Variants in EHMT1 observed in about 807,000 individuals in gnomAD.
EHMT1 encodes histone-lysine N-methyltransferase EHMT1.
In EHMT1, 15 loss-of-function variants were observed where a neutral mutation model predicts 147.2. The ratio of observed to expected loss-of-function variants is 0.10; its 90% CI spans 0.07 to 0.16. EHMT1 has a LOEUF of 0.16. EHMT1 is among the 10% of genes least tolerant of loss of function. EHMT1 has a pLI of 1.00. For missense variants in EHMT1, 1,587 were observed against 1,772.4 expected (o/e 0.90, Z 1.88); for synonymous variants, 795 against 709.6 (o/e 1.12, Z -1.91).
intron 16 of EHMT1, chr9:137,792,285 G>A: frequency 6.0e-6 from 2 of 332,430 alleles, no homozygotes; most frequent in Non-Finnish European, 6.1e-6. Context: ...CTGATTTTTG[G>A]CAAAGGTTAC....
intron 19 of EHMT1, among the ~76,000 whole-genome samples, chr9:137,811,900 A>G (rs1326619400): frequency 1.3e-5 from 2 of 152,214 alleles, no homozygotes; most frequent in Non-Finnish European, 2.9e-5. Flanking sequence ...GAGGGGCAGC[A>G]TGGGAACAGC....
intron 15 of EHMT1, chr9:137,785,627 T>G (rs1951899187): frequency 6.6e-6 from 1 of 152,240 alleles, no homozygotes; most frequent in Non-Finnish European, 1.5e-5. Context: ...AGCTTGTCAC[T>G]CCTTTGAAAG....
In EHMT1 at chr9:137,811,443, T is replaced by C; in HGVS notation, c.2713-18T>C. On this transcript the variant is annotated intron_variant, in intron 18 of 26. Coordinates refer to ENST00000460843, the MANE Select transcript of EHMT1 (RefSeq NM_024757.5). ...CCAGCAGGAAGCCTGCACTGAGCTC[T>C]GGCTTGTGTCTGTTCAGGAGGAGAA... The C allele has an allele frequency of 6.2e-7, 1 of 1,611,946 alleles. No individual in the cohort carries two copies. Among genetic ancestry groups the C allele is most frequent in the Non-Finnish European group, 8.5e-7 (1 of 1,179,986 alleles).
In EHMT1 at chr9:137,752,392, G is replaced by T; in HGVS notation, c.1232G>T (p.Gly411Val). 6.2e-7 allele frequency: 1 copy of T among 1,614,034 alleles called. No homozygotes were observed. Among genetic ancestry groups the T allele is most frequent in the Admixed American group, 1.7e-5 (1 of 60,014 alleles). ...GACACCGGGGAGGAGGAGGAAGGCG[G>T]TGACGAGTCTGACCTGGTAATGCCC... is the stretch of plus-strand genomic sequence containing the variant. Reference protein sequence around the residue: ...SVDTGEEEEGGDESDLSSESS... With the variant: ...SVDTGEEEEGVDESDLSSESS... The change falls in exon 7 of 27, where the codon GGT becomes GTT. Residue 411 changes from glycine (G) to valine (V), a missense_variant. Gly to Val is a moderately radical substitution (Grantham distance 109, BLOSUM62 -3). Around this residue, in one of 7 missense-constraint regions of EHMT1, gnomAD observed 810 missense variants for 673.0 expected, o/e 1.20. Coordinates refer to ENST00000460843, the MANE Select transcript of EHMT1 (RefSeq NM_024757.5).
intron 6 of EHMT1, among the ~76,000 whole-genome samples, chr9:137,749,969 C>T (rs574928529): frequency 6.6e-6 from 1 of 152,324 alleles, no homozygotes; most frequent in South Asian, 2.1e-4. Flanking sequence ...TCACCTCTGA[C>T]ACGAATGCGG....
intron 22 of EHMT1, 173 bp downstream of exon 22, chr9:137,814,681 C>T (rs1954780991): frequency 1.4e-6 from 1 of 732,034 alleles, no homozygotes; most frequent in Non-Finnish European, 2.4e-6. Flanking sequence ...GCACCCGAGT[C>T]AGGGTCGTGA....
At chr9:137,816,750 A>T (rs964242464) in intron 23 of EHMT1, 4 of 164,252 alleles carry the variant, frequency 2.4e-5, no homozygotes, top group African/African-American at 9.6e-5. Context: ...TGACCTCGAT[A>T]AACTTGGTTC....
chr9:137,669,102 G>A (rs1161627772), intron 1 of EHMT1, among the ~76,000 whole-genome samples: 1 of 152,116 alleles, frequency 6.6e-6, no homozygotes, highest in African/African-American at 2.4e-5. Context: ...GGGCAAGATC[G>A]TCTTGAACTC....
intron 25 of EHMT1, among the ~76,000 whole-genome samples, chr9:137,820,506 G>C (rs1163817669): frequency 6.6e-6 from 1 of 152,086 alleles, no homozygotes; most frequent in Admixed American, 6.5e-5. Context: ...TTTTATTCTA[G>C]TTCAGTTTAT....
At chr9:137,735,708 C>T (rs1299023286) in intron 4 of EHMT1, among the ~76,000 whole-genome samples, 1 of 152,126 alleles carries the variant, frequency 6.6e-6, no homozygotes, top group African/African-American at 2.4e-5. Context: ...GGTGATTGGT[C>T]ATGTGTGTGG....
intron 15 of EHMT1, chr9:137,784,162 G>A (rs1351374026): frequency 1.3e-6 from 2 of 1,551,040 alleles, no homozygotes; most frequent in African/African-American, 2.7e-5. Context: ...TTATGGTGAG[G>A]ACCTCGTGCT....
chr9:137,811,379 T>G, intron 18 of EHMT1, 82 bp from the exon 19 acceptor site: 1 of 1,592,806 alleles, frequency 6.3e-7, no homozygotes, highest in South Asian at 1.1e-5. Context: ...CCCGGGCACA[T>G]GGGCTGCAGC....
At position 137,761,723 on chromosome 9, in the gene EHMT1, C is replaced by T. The variant is rs552702958; in HGVS notation, c.1502-952C>T. Among the ~76,000 whole-genome samples the T allele has an allele frequency of 8.6e-4, 131 of 152,310 alleles. 1 individual carries two copies. Among genetic ancestry groups the T allele is most frequent in the Middle Eastern group, 3.4e-3 (1 of 294 alleles). ...CTGCCCGCCTTGGCCTCCCAAAGTG[C>T]TGGGATTACAGGCGTGAGCCACCGC... is the stretch of plus-strand genomic sequence containing the variant. On this transcript the variant is annotated intron_variant, in intron 9 of 26. Transcript: ENST00000460843.
At chr9:137,671,392 A>G (rs1326963342) in intron 1 of EHMT1, among the ~76,000 whole-genome samples, 1 of 152,200 alleles carries the variant, frequency 6.6e-6, no homozygotes, top group African/African-American at 2.4e-5. Flanking sequence ...GTAACAATTC[A>G]TATGATTAAC....
Position 137,762,753 on chromosome 9 carries a change from C to T in EHMT1, c.1580C>T (p.Pro527Leu), listed in dbSNP as rs759763956. 6.2e-6 allele frequency: 10 copies of T among 1,614,192 alleles called. No homozygotes were observed. Among genetic ancestry groups the T allele is most frequent in the South Asian group, 2.2e-5 (2 of 91,086 alleles). ...VPLCSCRMET[P>L]KSREITTLAN... ...CTCTGCAGCTGCCGGATGGAAACAC[C>T]GAAGAGTCGAGAGATCACCACACTG... is the stretch of plus-strand genomic sequence containing the variant. Residue 527 changes from proline to leucine, a missense_variant, in exon 10 of 27, where the codon CCG becomes CTG. Physicochemically the swap from Pro to Leu is moderately conservative, Grantham distance 98 (BLOSUM62 -3). Transcript: ENST00000460843.
chr9:137,821,178 G>A (rs938217922), intron 25 of EHMT1, among the ~76,000 whole-genome samples: 4 of 149,458 alleles, frequency 2.7e-5, no homozygotes, highest in Admixed American at 6.6e-5. Flanking sequence ...GCCTGGCTGC[G>A]CCCAGCTAAG....
At chr9:137,675,624 C>G (rs1439931912) in intron 1 of EHMT1, among the ~76,000 whole-genome samples, 1 of 127,386 alleles carries the variant, frequency 7.9e-6, no homozygotes, top group Non-Finnish European at 1.6e-5. Flanking sequence ...CCACCACGCC[C>G]GGCTAATTTT....
intron 25 of EHMT1, among the ~76,000 whole-genome samples, chr9:137,820,491 C>CT (rs1399700360): frequency 6.6e-6 from 1 of 152,076 alleles, no homozygotes; most frequent in South Asian, 2.1e-4. Flanking sequence ...AACAGAAGTT[C>CT]TTTTTTTTAT....
intron 1 of EHMT1, among the ~76,000 whole-genome samples, chr9:137,625,070 T>C (rs1033580937): frequency 7.3e-5 from 11 of 151,616 alleles, no homozygotes; most frequent in Non-Finnish European, 1.2e-4. Flanking sequence ...TCGGTAGAGA[T>C]GGGGTTTCGC....
Sources: allele counts gnomAD v4.1 joint callset (sites outside exome capture counted in the v4.1 genomes callset), GRCh38; gene constraint gnomAD v4.1.1; regional missense constraint gnomAD v4.1.1; transcripts MANE v1.5; gene names NCBI Gene and HGNC (gene_info 2026-07-23, HGNC 2026-07-21).